Variants in SUGCT observed in about 807,000 individuals in gnomAD.
SUGCT encodes succinyl-CoA:glutarate-CoA transferase.
Under a neutral mutation model 55.0 loss-of-function variants are expected in SUGCT, and 41 were observed. The observed-to-expected ratio is 0.74, with a 90% confidence interval of 0.58 to 0.97. SUGCT has a LOEUF of 0.97. Ranked by LOEUF, SUGCT falls within the 50% of genes least tolerant of loss-of-function variation. SUGCT has a pLI of 0.00. For synonymous variants in SUGCT, 187 were observed against 200.4 expected (o/e 0.93, Z 0.56); for missense variants, 568 against 547.8 (o/e 1.04, Z -0.37).
At chr7:40,907,134 TGTGTGTGAGAGAGA>T in the SUGCT span, among the ~76,000 whole-genome samples, 18 of 44,948 alleles carry the variant, frequency 4.0e-4, no homozygotes, top group African/African-American at 1.1e-3. Context: ...TGTGTGTGTG[TGTGTGTGAGAGAGA>T]GAGAGAGAGA....
chr7:40,789,346 A>G (rs925182501), intron 13 of SUGCT, among the ~76,000 whole-genome samples: 1 of 152,178 alleles, frequency 6.6e-6, no homozygotes, highest in African/African-American at 2.4e-5. Context: ...ACCTCAAGTA[A>G]GTGAAATCAG....
chr7:40,469,079 T>C (rs915473493), intron 11 of SUGCT, among the ~76,000 whole-genome samples: 1 of 152,206 alleles, frequency 6.6e-6, no homozygotes, highest in Non-Finnish European at 1.5e-5. Context: ...GTTTTTAATA[T>C]ACATAGAGAA....
At chr7:40,208,970 A>G (rs1238664607) in intron 6 of SUGCT, among the ~76,000 whole-genome samples, 1 of 152,182 alleles carries the variant, frequency 6.6e-6, no homozygotes, top group East Asian at 1.9e-4. Flanking sequence ...TTTGACCAAT[A>G]TTTCATGTTT....
At chr7:40,661,440 A>G (rs1167071450) in intron 12 of SUGCT, among the ~76,000 whole-genome samples, 2 of 152,222 alleles carry the variant, frequency 1.3e-5, no homozygotes, top group East Asian at 1.9e-4. Flanking sequence ...ATACTGTAAT[A>G]TAATTCGTCT....
At chr7:40,882,089 C>CAA in the SUGCT span, among the ~76,000 whole-genome samples, 5 of 152,152 alleles carry the variant, frequency 3.3e-5, no homozygotes, top group African/African-American at 1.2e-4. Context: ...TAGATGAGAG[C>CAA]AACTGACCAG....
At chr7:40,620,411 C>CT (rs896416194) in intron 12 of SUGCT, among the ~76,000 whole-genome samples, 13 of 149,774 alleles carry the variant, frequency 8.7e-5, no homozygotes, top group South Asian at 2.1e-4. Flanking sequence ...ATTTGGATCA[C>CT]TTTTTTTTTT....
intron 12 of SUGCT, among the ~76,000 whole-genome samples, chr7:40,580,635 T>C (rs1797036543): frequency 6.6e-6 from 1 of 152,178 alleles, no homozygotes; most frequent in Non-Finnish European, 1.5e-5. Flanking sequence ...AGCAGAGGCA[T>C]TGTGGTGGGT....
the SUGCT span, among the ~76,000 whole-genome samples, chr7:40,964,068 T>C: frequency 6.6e-6 from 1 of 152,224 alleles, no homozygotes; most frequent in African/African-American, 2.4e-5. Context: ...ACTTTCACAT[T>C]CTACATAGTA....
At chr7:40,981,038 G>T in the SUGCT span, among the ~76,000 whole-genome samples, 1 of 152,058 alleles carries the variant, frequency 6.6e-6, no homozygotes, top group East Asian at 1.9e-4. Context: ...TCTTTGGTTT[G>T]CTCCTCCACC....
intron 12 of SUGCT, among the ~76,000 whole-genome samples, chr7:40,652,745 TGC>T (rs1800835235): frequency 6.6e-6 from 1 of 152,230 alleles, no homozygotes; most frequent in Non-Finnish European, 1.5e-5. Flanking sequence ...AAATCTGTAT[TGC>T]TATAATAATA....
At chr7:41,013,252 T>TG in the SUGCT span, among the ~76,000 whole-genome samples, 1 of 152,224 alleles carries the variant, frequency 6.6e-6, no homozygotes, top group South Asian at 2.1e-4. Context: ...TACATAGATC[T>TG]GGATGGCTTG....
At chr7:40,943,152 A>C in the SUGCT span, among the ~76,000 whole-genome samples, 1 of 151,614 alleles carries the variant, frequency 6.6e-6, no homozygotes, top group African/African-American at 2.4e-5. Flanking sequence ...ATATTGCCAG[A>C]ATTATTTTTC....
intron 9 of SUGCT, among the ~76,000 whole-genome samples, chr7:40,433,919 A>T (rs574051706): frequency 3.3e-5 from 5 of 152,322 alleles, no homozygotes; most frequent in East Asian, 3.9e-4. Flanking sequence ...TCTAAAATCA[A>T]ACAGAATTTC....
intron 12 of SUGCT, among the ~76,000 whole-genome samples, chr7:40,566,944 T>C (rs1172409164): frequency 6.6e-6 from 1 of 152,246 alleles, no homozygotes; most frequent in Non-Finnish European, 1.5e-5. Flanking sequence ...ATATTGCTGT[T>C]ATGTTCAACT....
chr7:40,656,254 A>G (rs1801014821), intron 12 of SUGCT, among the ~76,000 whole-genome samples: 1 of 151,638 alleles, frequency 6.6e-6, no homozygotes, highest in Non-Finnish European at 1.5e-5. Context: ...TTTTTAATAG[A>G]CAAGATGTCT....
At chr7:40,490,952 G>T (rs1044727637) in intron 11 of SUGCT, among the ~76,000 whole-genome samples, 4 of 152,100 alleles carry the variant, frequency 2.6e-5, no homozygotes, top group Non-Finnish European at 5.9e-5. Context: ...TCAAATTGTC[G>T]TCCTTCTCTC....
intron 12 of SUGCT, among the ~76,000 whole-genome samples, chr7:40,526,393 C>T (rs1793798923): frequency 6.6e-6 from 1 of 152,162 alleles, no homozygotes; most frequent in Non-Finnish European, 1.5e-5. Context: ...AAGGACTTCT[C>T]TACTTGTTAC....
intron 12 of SUGCT, among the ~76,000 whole-genome samples, chr7:40,683,653 A>G (rs1334950860): frequency 6.6e-6 from 1 of 152,182 alleles, no homozygotes; most frequent in Non-Finnish European, 1.5e-5. Flanking sequence ...GACCCTTGTC[A>G]ATTATGTTGA....
At chr7:40,838,881 T>C (rs1239428715) in intron 13 of SUGCT, among the ~76,000 whole-genome samples, 1 of 152,140 alleles carries the variant, frequency 6.6e-6, no homozygotes, top group Non-Finnish European at 1.5e-5. Flanking sequence ...TATTGGGTTT[T>C]GTAAATGCTT....
Sources: allele counts gnomAD v4.1 joint callset (sites outside exome capture counted in the v4.1 genomes callset), GRCh38; gene constraint gnomAD v4.1.1; transcripts MANE v1.5; gene names NCBI Gene and HGNC (gene_info 2026-07-23, HGNC 2026-07-21).